Variants in VPS13B observed in about 807,000 individuals in gnomAD.
VPS13B encodes the protein vacuolar protein sorting 13 homolog B.
VPS13B carries 285 observed loss-of-function variants against 426.4 expected under a neutral mutation model. The ratio of observed to expected loss-of-function variants is 0.67; its 90% CI spans 0.61 to 0.74. The LOEUF (loss-of-function observed/expected upper bound fraction) is 0.74, where lower values mean the gene tolerates loss of function less well. Ranked by LOEUF, VPS13B falls within the 30% of genes least tolerant of loss-of-function variation. VPS13B has a pLI of 0.00. For synonymous variants in VPS13B, 1,676 were observed against 1,676.4 expected, an observed-to-expected ratio of 1.00 and a Z score of 0.01; for missense variants, 4,537 against 4,782.6, an observed-to-expected ratio of 0.95 and a Z score of 1.51.
At chr8:99,151,844 T>C (rs1385585517) in intron 14 of VPS13B, among the ~76,000 whole-genome samples, 1 of 152,138 alleles carries the variant, frequency 6.6e-6, no homozygotes, top group African/African-American at 2.4e-5. Context: ...CCTTTTTTAG[T>C]ATTTTAAAAA....
At chr8:99,807,684 T>C (rs1230459750) in intron 43 of VPS13B, among the ~76,000 whole-genome samples, 1 of 151,558 alleles carries the variant, frequency 6.6e-6, no homozygotes, top group East Asian at 1.9e-4. Flanking sequence ...TGTTTGTGTG[T>C]GTGTGTGTGT....
rs987829838 is a variant in VPS13B at position 99,270,075 on chromosome 8, T to C, written c.2516-4123T>C. 3.2e-4 allele frequency among the ~76,000 whole-genome samples: 48 copies of C among 150,210 alleles called. 1 individual carries two copies. Among genetic ancestry groups the C allele is most frequent in the Admixed American group, 1.9e-3 (29 of 15,024 alleles). ...AAGTTAAAAGTGTCAAACTGTATTC[T>C]TGATTGTAGTTGTCTAAATCAAAGT... On this transcript the variant is annotated intron_variant, in intron 17 of 61. Coordinates refer to ENST00000357162, the MANE Select transcript of VPS13B (RefSeq NM_152564.5).
In VPS13B at chr8:99,418,501, T is replaced by TTCTTTC. The variant is rs1554779772; in HGVS notation, c.3083-13034_3083-13029dup. Among the ~76,000 whole-genome samples the TTCTTTC allele has an allele frequency of 1.7e-3, 246 of 148,732 alleles. 1 individual carries two copies. The highest frequency in any genetic ancestry group is 6.0e-3 in the African/African-American group (239 of 40,092). On this transcript the variant is annotated intron_variant, in intron 21 of 61. Coordinates refer to ENST00000357162, the MANE Select transcript of VPS13B (RefSeq NM_152564.5). Reference sequence around the variant, plus strand: ...TTTCTTTCTTTCTTTCTTTCTTTCTTTCTTTCTTTCTTTCCTTTCTTTCTT... The same window carrying TTCTTTC: ...TTTCTTTCTTTCTTTCTTTCTTTCTTTCTTTCTCTTTCTTTCTTTCCTTTCTTTCTT...
At chr8:99,828,363 T>A (rs1189490112) in intron 51 of VPS13B, among the ~76,000 whole-genome samples, 1 of 150,828 alleles carries the variant, frequency 6.6e-6, no homozygotes, top group Admixed American at 6.6e-5. Flanking sequence ...GTTTAAAGTC[T>A]GTTTTATCAG....
At position 99,876,801 on chromosome 8, in the gene VPS13B, T is replaced by C. The variant is rs1817720152; in HGVS notation, c.*1135T>C. On this transcript the variant is annotated 3_prime_UTR_variant, in exon 62 of 62. Transcript: ENST00000357162. ...TTACATTTAAACTTGGGGCTACAGC[T>C]TGTTACCTAGAATTTTGAGATACTA... 1 of 152,196 alleles carries C rather than the reference T, an allele frequency of 6.6e-6. No individual in the cohort carries two copies. 9.4% of individuals were successfully genotyped at this position (152,196 alleles called of 1,614,324 possible). A position where few individuals can be genotyped will look rare whatever the true frequency, so the allele number is the denominator to read the frequency against.
At chr8:99,193,152 C>G in intron 17 of VPS13B, 95 bp downstream of exon 17, 1 of 1,232,802 alleles carries the variant, frequency 8.1e-7, no homozygotes, top group South Asian at 1.3e-5. Flanking sequence ...GCATGGTCAA[C>G]TTAAATTGTA....
At chr8:99,504,116 G>C (rs1006496725) in intron 27 of VPS13B, among the ~76,000 whole-genome samples, 3 of 152,186 alleles carry the variant, frequency 2.0e-5, no homozygotes, top group Admixed American at 1.3e-4. Context: ...ATGGTGACAA[G>C]TGAAGCTCTT....
At chr8:99,705,675 A>G (rs959294223) in intron 36 of VPS13B, among the ~76,000 whole-genome samples, 7 of 152,112 alleles carry the variant, frequency 4.6e-5, no homozygotes, top group African/African-American at 1.2e-4. Context: ...TTTGAGGTAT[A>G]TATTCATTGT....
At position 99,699,587 on chromosome 8, in the gene VPS13B, C is replaced by A. The variant is rs1450971093; in HGVS notation, c.6109C>A (p.Gln2037Lys). 6.2e-7 allele frequency: 1 copy of A among 1,614,070 alleles called. No individual in the cohort carries two copies. The highest frequency in any genetic ancestry group is 8.5e-7 in the Non-Finnish European group (1 of 1,180,004). ...AAACCTGAGTTTCACCAAACTGGAT[C>A]AGATAAACCTTTTTTTAAAGAAGAT... ...KANLSFTKLD[Q>K]INLFLKKIKN... Residue 2037 changes from glutamine to lysine, a missense_variant, in exon 36 of 62, where the codon CAG (glutamine) becomes AAG (lysine). This residue lies in a region of VPS13B where 4,311 missense variants were observed against 4,474.3 expected (regional missense o/e 0.96). Coordinates refer to ENST00000357162, the MANE Select transcript of VPS13B (RefSeq NM_152564.5).
At chr8:99,652,830 A>T (rs866533078) in intron 34 of VPS13B, among the ~76,000 whole-genome samples, 3 of 152,194 alleles carry the variant, frequency 2.0e-5, no homozygotes, top group Admixed American at 6.5e-5. Context: ...TGCTGTGAAC[A>T]TTGCTTGCTG....
intron 30 of VPS13B, chr8:99,527,991 T>C (rs1483098577): frequency 6.6e-6 from 1 of 152,060 alleles, no homozygotes; most frequent in Non-Finnish European, 1.5e-5. Context: ...TCTTAGAAGC[T>C]TTATGTTGTG....
At chr8:99,240,526 C>T (rs13263759) in intron 17 of VPS13B, among the ~76,000 whole-genome samples, 16,028 of 152,164 alleles carry the variant, frequency 0.11, 965 homozygotes, top group Non-Finnish European at 0.14. Flanking sequence ...TGAAGTGTTA[C>T]ATAGAACTGG....
rs187464344 is a variant in VPS13B at position 99,315,792 on chromosome 8, G to A, written c.2824+40538G>A. 5.5e-3 allele frequency among the ~76,000 whole-genome samples: 838 copies of A among 152,000 alleles called. 6 individuals carry two copies. Among genetic ancestry groups the A allele is most frequent in the Non-Finnish European group, 6.6e-3 (448 of 67,952 alleles). ...GCTAGGACTACGGGCGCCTGCCACC[G>A]CGCCCGGTTAATTTTTTTGTATTGG... On this transcript the variant is annotated intron_variant, in intron 19 of 61. Coordinates refer to ENST00000357162, the MANE Select transcript of VPS13B (RefSeq NM_152564.5).
chr8:99,562,755 GT>G (rs1465533148), intron 31 of VPS13B, among the ~76,000 whole-genome samples: 2 of 151,896 alleles, frequency 1.3e-5, no homozygotes. Flanking sequence ...TAACATATGG[GT>G]TTCCGGTTGT....
intron 61 of VPS13B, among the ~76,000 whole-genome samples, chr8:99,873,803 T>A (rs1329164345): frequency 6.6e-6 from 1 of 152,204 alleles, no homozygotes; most frequent in East Asian, 1.9e-4. Context: ...CACTGCCTTG[T>A]CAGTGAGCTT....
chr8:99,437,935 A>G (rs1817474278), intron 22 of VPS13B, among the ~76,000 whole-genome samples: 1 of 152,062 alleles, frequency 6.6e-6, no homozygotes, highest in Non-Finnish European at 1.5e-5. Context: ...TTCTAGGAGA[A>G]CATTTCTCTG....
chr8:99,770,495 G>C (rs993645880), intron 40 of VPS13B, among the ~76,000 whole-genome samples: 3 of 152,136 alleles, frequency 2.0e-5, no homozygotes, highest in African/African-American at 7.2e-5. Flanking sequence ...GGGTGACTGG[G>C]GAAAGTTTAA....
chr8:99,533,295 G>A (rs1192143790), intron 30 of VPS13B, among the ~76,000 whole-genome samples: 1 of 152,112 alleles, frequency 6.6e-6, no homozygotes, highest in African/African-American at 2.4e-5. Context: ...CTTATTGAAG[G>A]TTTTAAATAA....
intron 29 of VPS13B, 43 bp from the exon 30 acceptor site, chr8:99,520,856 A>G (rs1822348035): frequency 2.0e-6 from 3 of 1,506,804 alleles, no homozygotes; most frequent in Non-Finnish European, 2.8e-6. Context: ...AAAGTTATGT[A>G]CAGATCCACA....
Sources: allele counts gnomAD v4.1 joint callset (sites outside exome capture counted in the v4.1 genomes callset), GRCh38; gene constraint gnomAD v4.1.1; regional missense constraint gnomAD v4.1.1; transcripts MANE v1.5; gene names NCBI Gene and HGNC (gene_info 2026-07-23, HGNC 2026-07-21).